The following ANKRD28 variants were observed in gnomAD, a reference collection of about 807,000 sequenced individuals.
ANKRD28 encodes the protein ankyrin repeat domain 28, also known as serine/threonine-protein phosphatase 6 regulatory ankyrin repeat subunit A.
In ANKRD28, 44 loss-of-function variants were observed where a neutral mutation model predicts 126.5. That is an observed-to-expected ratio of 0.35 (90% CI 0.27 to 0.45). The LOEUF (loss-of-function observed/expected upper bound fraction) is 0.45. Ranked by LOEUF, ANKRD28 falls within the 20% of genes least tolerant of loss-of-function variation. ANKRD28 has a pLI of 1.00. For synonymous variants in ANKRD28, 442 were observed against 468.5 expected (o/e 0.94, Z 0.73); for missense variants, 1,110 against 1,316.6 (o/e 0.84, Z 2.43).
chr3:15,701,774 AT>A (rs2125962384), intron 14 of ANKRD28, among the ~76,000 whole-genome samples: 1 of 152,328 alleles, frequency 6.6e-6, no homozygotes, highest in East Asian at 1.9e-4. Context: ...TCACAAACTA[AT>A]TCTGAGGACA....
chr3:15,718,412 T>C (rs2073323627), intron 8 of ANKRD28, among the ~76,000 whole-genome samples: 1 of 152,150 alleles, frequency 6.6e-6, no homozygotes, highest in Non-Finnish European at 1.5e-5. Context: ...ACCACTGAGT[T>C]TTCTAAATTA....
At chr3:15,681,274 A>G (rs2067518716) in intron 21 of ANKRD28, among the ~76,000 whole-genome samples, 1 of 152,338 alleles carries the variant, frequency 6.6e-6, no homozygotes, top group Non-Finnish European at 1.5e-5. Context: ...AAAAGTCTGT[A>G]CATGTTCAGC....
chr3:15,790,518 T>C (rs369463235), intron 2 of ANKRD28, among the ~76,000 whole-genome samples: 60 of 152,018 alleles, frequency 3.9e-4, no homozygotes, highest in African/African-American at 1.4e-3. Context: ...ATATATCATA[T>C]CAAAAAAATA....
At chr3:15,719,155 G>A (rs1255115150) in intron 8 of ANKRD28, among the ~76,000 whole-genome samples, 1 of 152,156 alleles carries the variant, frequency 6.6e-6, no homozygotes, top group Non-Finnish European at 1.5e-5. Flanking sequence ...TTCCTTGGGT[G>A]TAGTATGTAT....
intron 14 of ANKRD28, 23 bp from the exon 15 acceptor site, chr3:15,696,268 A>G (rs2069533871): frequency 2.9e-6 from 4 of 1,401,246 alleles, no homozygotes; most frequent in Non-Finnish European, 3.9e-6. Context: ...ACAACAACAT[A>G]CTGAAAATCC....
intron 1 of ANKRD28, among the ~76,000 whole-genome samples, chr3:15,828,903 G>A (rs2061129256): frequency 6.6e-6 from 1 of 152,158 alleles, no homozygotes; most frequent in African/African-American, 2.4e-5. Context: ...TCTGCAGAAA[G>A]TACATTCACG....
At chr3:15,818,871 C>G (rs1316454467) in intron 1 of ANKRD28, among the ~76,000 whole-genome samples, 1 of 151,942 alleles carries the variant, frequency 6.6e-6, no homozygotes, top group Non-Finnish European at 1.5e-5. Flanking sequence ...TCTCAGTGGG[C>G]TTTTTTGTAG....
At chr3:15,743,108 T>C (rs1159831053) in intron 4 of ANKRD28, among the ~76,000 whole-genome samples, 1 of 152,116 alleles carries the variant, frequency 6.6e-6, no homozygotes, top group Admixed American at 6.5e-5. Flanking sequence ...ACATGTGCTG[T>C]GTCCACTCAG....
At chr3:15,818,715 G>A (rs1374333380) in intron 1 of ANKRD28, among the ~76,000 whole-genome samples, 1 of 152,170 alleles carries the variant, frequency 6.6e-6, no homozygotes, top group Non-Finnish European at 1.5e-5. Flanking sequence ...GACCATAATT[G>A]ACTGCAGGTG....
At chr3:15,832,258 A>G (rs1306774769) in intron 1 of ANKRD28, among the ~76,000 whole-genome samples, 1 of 152,236 alleles carries the variant, frequency 6.6e-6, no homozygotes, top group Non-Finnish European at 1.5e-5. Flanking sequence ...ATACATTCAA[A>G]GTTAAATGTG....
chr3:15,727,528 C>T (rs1322092211), intron 6 of ANKRD28, among the ~76,000 whole-genome samples: 4 of 137,834 alleles, frequency 2.9e-5, no homozygotes, highest in African/African-American at 1.1e-4. Flanking sequence ...GATCACACCA[C>T]TGCACTCCAG....
intron 6 of ANKRD28, among the ~76,000 whole-genome samples, chr3:15,731,134 C>T (rs2074562858): frequency 1.3e-5 from 2 of 152,156 alleles, no homozygotes; most frequent in Non-Finnish European, 2.9e-5. Context: ...GTGGTGAGGT[C>T]CAGGAAACAC....
At chr3:15,714,467 A>G in intron 9 of ANKRD28, 111 bp downstream of exon 9, 1 of 781,008 alleles carries the variant, frequency 1.3e-6, no homozygotes, top group East Asian at 2.9e-5. Context: ...TGTATTAAAA[A>G]TACACAAAAT....
intron 2 of ANKRD28, among the ~76,000 whole-genome samples, chr3:15,793,225 A>G (rs2060113861): frequency 6.6e-6 from 1 of 152,196 alleles, no homozygotes; most frequent in Admixed American, 6.5e-5. Flanking sequence ...AAAACCCCAT[A>G]TGATTCCTTA....
chr3:15,756,904 T>C (rs2058191340), intron 3 of ANKRD28, among the ~76,000 whole-genome samples: 1 of 152,220 alleles, frequency 6.6e-6, no homozygotes, highest in African/African-American at 2.4e-5. Context: ...CACTAAATTC[T>C]TCCAATTCTT....
chr3:15,755,249 T>A (rs569726292), intron 3 of ANKRD28, among the ~76,000 whole-genome samples: 26 of 152,234 alleles, frequency 1.7e-4, no homozygotes, highest in Non-Finnish European at 2.6e-4. Flanking sequence ...GGGCTATATC[T>A]GAGGGCAACA....
At chr3:15,856,986 G>A (rs755417868) in intron 1 of ANKRD28, among the ~76,000 whole-genome samples, 50 of 152,338 alleles carry the variant, frequency 3.3e-4, no homozygotes, top group South Asian at 2.5e-3. Context: ...TTAGAAGTCT[G>A]TATGTCCTTA....
In ANKRD28 at chr3:15,853,465, GTTTT is replaced by G. The variant is rs950780937; in HGVS notation, c.27+5908_27+5911del. On this transcript the variant is annotated intron_variant, in intron 1 of 27. Transcript: ENST00000399451. The surrounding 1 kb of genome is among the most constrained non-coding windows in gnomAD (Gnocchi z 4.2). ...TAACTACCATAATCAATGTTTTATGGTTTTTTTTGTTTTTTTGTTTTTGAGATGG... is the reference window on the plus strand; with the variant it reads ...TAACTACCATAATCAATGTTTTATGGTTTTGTTTTTTTGTTTTTGAGATGG... Among the ~76,000 whole-genome samples, 2 of 151,124 alleles carry G rather than the reference GTTTT, an allele frequency of 1.3e-5. No individual in the cohort carries two copies. Among genetic ancestry groups the G allele is most frequent in the East Asian group, 1.9e-4 (1 of 5,158 alleles).
intron 2 of ANKRD28, among the ~76,000 whole-genome samples, chr3:15,792,269 T>A (rs1036089938): frequency 3.9e-5 from 6 of 152,146 alleles, no homozygotes; most frequent in Non-Finnish European, 7.4e-5. Context: ...TCTGCACTCC[T>A]ATGTTTGTTG....
Sources: gnomAD v4.1 joint callset for allele counts (sites outside exome capture counted in the v4.1 genomes callset) on GRCh38, gnomAD v4.1.1 for gene constraint, Gnocchi (gnomAD v3.1) non-coding constraint, MANE v1.5 for transcripts, NCBI Gene and HGNC (gene_info 2026-07-23, HGNC 2026-07-21) for gene names.